PCDHGA3: variants seen among roughly 807,000 people sequenced by gnomAD.
The protein encoded by PCDHGA3 is protocadherin gamma subfamily A, 3, also known as protocadherin gamma-A3.
A neutral mutation model predicts 58.5 loss-of-function variants in PCDHGA3; 40 were observed. That is an observed-to-expected ratio of 0.68 (90% CI 0.53 to 0.89). The LOEUF (loss-of-function observed/expected upper bound fraction) is 0.89, where lower values mean the gene tolerates loss of function less well. PCDHGA3 is among the 40% of genes least tolerant of loss of function. The pLI, the probability that PCDHGA3 is intolerant of heterozygous loss-of-function variation, is 0.00. For synonymous variants in PCDHGA3, 530 were observed against 525.7 expected (o/e 1.01, Z -0.11); for missense variants, 1,223 against 1,195.9 (o/e 1.02, Z -0.33).
chr5:141,354,881 A>G (rs909199099), intron 1 of PCDHGA3: 9 of 374,772 alleles, frequency 2.4e-5, no homozygotes, highest in African/African-American at 1.9e-4. Context: ...ATTTGACTTT[A>G]TTATCTTGGG....
Position 141,486,817 on chromosome 5 carries a change from T to A in PCDHGA3, c.2425-7990T>A, listed in dbSNP as rs143638501. On this transcript the variant is annotated intron_variant, in intron 1 of 3. Transcript: ENST00000253812. The surrounding 1 kb of genome is among the most constrained non-coding windows in gnomAD (Gnocchi z 5.0). ...GGGGCAACCCACCCCTTAGCAGCAC[T>A]GTAACAGTTCGTCTATTTGTGCTGG... 1 of 1,614,102 alleles carries A rather than the reference T, an allele frequency of 6.2e-7. No homozygotes were observed. Among genetic ancestry groups the A allele is most frequent in the East Asian group, 2.2e-5 (1 of 44,898 alleles).
At chr5:141,455,860 ATTATTTATTTATTTATTTATTTAT>A (rs145569377) in intron 1 of PCDHGA3, among the ~76,000 whole-genome samples, 10 of 139,848 alleles carry the variant, frequency 7.2e-5, no homozygotes, top group Admixed American at 5.1e-4. Flanking sequence ...AATTTCTTTT[ATTATTTATTTATTTATTTATTTAT>A]TTATTTATTT....
At position 141,355,636 on chromosome 5, in the gene PCDHGA3, G is replaced by A. The variant is rs763658720; in HGVS notation, c.2424+9179G>A. Reference sequence around the variant, plus strand: ...GAGGGAAATAAAAGTTGCTGAAAATGAAAATCCTGGGGCAAGATTTCCTCT... The same window carrying A: ...GAGGGAAATAAAAGTTGCTGAAAATAAAAATCCTGGGGCAAGATTTCCTCT... On this transcript the variant is annotated intron_variant, in intron 1 of 3. Coordinates refer to ENST00000253812, the MANE Select transcript of PCDHGA3 (RefSeq NM_018916.4). 1.4e-5 allele frequency: 22 copies of A among 1,613,866 alleles called. No homozygotes were observed. The Admixed American group carries it at 3.7e-4, about 27-fold the overall frequency.
intron 1 of PCDHGA3, among the ~76,000 whole-genome samples, chr5:141,461,958 G>C (rs1048690044): frequency 4.5e-4 from 69 of 152,272 alleles, no homozygotes; most frequent in Non-Finnish European, 2.9e-4. Context: ...TGAGTAGCTG[G>C]GATTCCAGGC....
At chr5:141,392,818 C>A in intron 1 of PCDHGA3, 1 of 1,589,060 alleles carries the variant, frequency 6.3e-7, no homozygotes, top group Non-Finnish European at 8.6e-7. Flanking sequence ...ACAACAATGG[C>A]CGCTCCACAG....
chr5:141,357,217 G>A, intron 1 of PCDHGA3: 1 of 1,613,820 alleles, frequency 6.2e-7, no homozygotes, highest in Non-Finnish European at 8.5e-7. Flanking sequence ...AGATGTCCTG[G>A]CTGACTTGGG....
chr5:141,498,725 A>AGT (rs2099785409), intron 2 of PCDHGA3, among the ~76,000 whole-genome samples: 1 of 152,150 alleles, frequency 6.6e-6, no homozygotes, highest in Non-Finnish European at 1.5e-5. Flanking sequence ...TGAGGTCAGG[A>AGT]GTTTGAGACC....
chr5:141,403,079 T>C (rs770770660), intron 1 of PCDHGA3: 3 of 1,614,064 alleles, frequency 1.9e-6, no homozygotes, highest in Non-Finnish European at 1.7e-6. Flanking sequence ...AGAAAAGGGC[T>C]ATATTGTGGG....
At position 141,394,517 on chromosome 5, in the gene PCDHGA3, C is replaced by T. The variant is rs1226195225; in HGVS notation, c.2424+48060C>T. On this transcript the variant is annotated intron_variant, in intron 1 of 3. Transcript: ENST00000253812. ...CCGAGATCCTGTACCCCGCCCTCCC[C>T]ACAGACGGTTCCACTGGCGTGGAGC... 5 of 1,614,116 alleles carry T rather than the reference C, an allele frequency of 3.1e-6. No individual in the cohort carries two copies. The Admixed American group carries it at 5.0e-5, about 16-fold the overall frequency.
intron 1 of PCDHGA3, chr5:141,370,178 C>G (rs1214381916): frequency 2.2e-5 from 10 of 463,756 alleles, no homozygotes; most frequent in Non-Finnish European, 2.6e-5. Context: ...CGCCGGGTGC[C>G]GCTCTTGGCT....
Position 141,486,390 on chromosome 5 carries a change from C to G in PCDHGA3, c.2425-8417C>G. 6.2e-7 allele frequency: 1 copy of G among 1,614,138 alleles called. No individual in the cohort carries two copies. The highest frequency in any genetic ancestry group is 8.5e-7 in the Non-Finnish European group (1 of 1,179,996). Reference sequence around the variant, plus strand: ...AAGTCTGCCTTCAGGAACCAGTTCTCCCTGGTGACTGCTGGACCCTTGGAT... The same window carrying G: ...AAGTCTGCCTTCAGGAACCAGTTCTGCCTGGTGACTGCTGGACCCTTGGAT... On this transcript the variant is annotated intron_variant, in intron 1 of 3. Coordinates refer to ENST00000253812, the MANE Select transcript of PCDHGA3 (RefSeq NM_018916.4). This position sits in a 1 kb window ranked among gnomAD's most constrained non-coding sequence, Gnocchi z 5.0.
At chr5:141,350,053 AAAGG>A in intron 1 of PCDHGA3, 1 of 403,962 alleles carries the variant, frequency 2.5e-6, no homozygotes, top group Non-Finnish European at 4.3e-6. Flanking sequence ...CTGTCGACCA[AAAGG>A]AAGTGAAGGC....
Position 141,511,334 on chromosome 5 carries a change from C to A in PCDHGA3, c.*161C>A. 7.0e-7 allele frequency: 1 copy of A among 1,438,700 alleles called. No homozygotes were observed. Among genetic ancestry groups the A allele is most frequent in the Non-Finnish European group, 9.2e-7 (1 of 1,083,314 alleles). 89.1% of individuals were successfully genotyped at this position (1,438,700 alleles called of 1,614,324 possible). On this transcript the variant is annotated 3_prime_UTR_variant, in exon 4 of 4. Coordinates refer to ENST00000253812, the MANE Select transcript of PCDHGA3 (RefSeq NM_018916.4). ...GAAACAGAAACAAGTGCCCAGTCAG[C>A]ACCTACCCCTTCCCCCCCAGGGGGT...
At chr5:141,421,508 A>G (rs780491148) in intron 1 of PCDHGA3, 1 of 1,614,046 alleles carries the variant, frequency 6.2e-7, no homozygotes, top group Non-Finnish European at 8.5e-7. Flanking sequence ...ATAGACCGGG[A>G]GGAGCTCTGT....
At chr5:141,373,775 C>A in intron 1 of PCDHGA3, 1 of 265,272 alleles carries the variant, frequency 3.8e-6, no homozygotes, top group Non-Finnish European at 7.0e-6. Flanking sequence ...GTCATCTCTG[C>A]AGATTTAGCA....
intron 1 of PCDHGA3, among the ~76,000 whole-genome samples, chr5:141,451,498 C>A (rs2098717552): frequency 6.6e-6 from 1 of 152,208 alleles, no homozygotes; most frequent in South Asian, 2.1e-4. Flanking sequence ...CTCCATAGGG[C>A]AACCAGCTTC....
intron 2 of PCDHGA3, among the ~76,000 whole-genome samples, chr5:141,498,956 AGAGG>A (rs1198207839): frequency 1.1e-4 from 14 of 124,162 alleles, no homozygotes; most frequent in East Asian, 2.7e-4. Context: ...AAAAAGAGAG[AGAGG>A]GAGGGAGGGA....
intron 1 of PCDHGA3, chr5:141,375,652 G>A (rs1200856953): frequency 1.8e-5 from 29 of 1,614,096 alleles, no homozygotes; most frequent in Non-Finnish European, 2.3e-5. Context: ...TCGACTATGA[G>A]CAGTTGAGAG....
At position 141,419,408 on chromosome 5, in the gene PCDHGA3, C is replaced by T. The variant is rs534591654; in HGVS notation, c.2424+72951C>T. On this transcript the variant is annotated intron_variant, in intron 1 of 3. Coordinates refer to ENST00000253812, the MANE Select transcript of PCDHGA3 (RefSeq NM_018916.4). ...CGCGCAGAGCGGGGTGGTGTTCGCG[C>T]AGCGCGCCTTCGACCACGAGCAGCT... 6.2e-6 allele frequency: 10 copies of T among 1,613,508 alleles called. No individual in the cohort carries two copies. The African/African-American group carries it at 1.3e-4, about 21-fold the overall frequency.
Sources: allele counts gnomAD v4.1 joint callset (sites outside exome capture counted in the v4.1 genomes callset), GRCh38; gene constraint gnomAD v4.1.1; non-coding constraint Gnocchi (gnomAD v3.1); transcripts MANE v1.5; gene names NCBI Gene and HGNC (gene_info 2026-07-23, HGNC 2026-07-21).